The following IMPG1 variants were observed in gnomAD, a reference collection of about 807,000 sequenced individuals.
IMPG1 encodes the protein interphotoreceptor matrix proteoglycan of 150 kDa.
In IMPG1, 85 loss-of-function variants were observed where a neutral mutation model predicts 92.0. The observed-to-expected ratio is 0.92, with a 90% CI of 0.78 to 1.11. The LOEUF (loss-of-function observed/expected upper bound fraction) is 1.11, where lower values mean the gene tolerates loss of function less well. Ranked by LOEUF, IMPG1 falls within the 50% of genes least tolerant of loss-of-function variation. The probability of loss-of-function intolerance (pLI) is 0.00; values close to 1 mark genes in which losing one functional copy is unlikely to be tolerated. For missense variants in IMPG1, 1,022 were observed against 956.0 expected (o/e 1.07, Z -0.91); for synonymous variants, 367 against 334.1 (o/e 1.10, Z -1.08).
intron 12 of IMPG1, among the ~76,000 whole-genome samples, chr6:75,989,229 G>C (rs1202867477): frequency 6.6e-6 from 1 of 152,072 alleles, no homozygotes; most frequent in South Asian, 2.1e-4. Flanking sequence ...GTAATTACAG[G>C]CATGTGCCAC....
intron 12 of IMPG1, among the ~76,000 whole-genome samples, chr6:75,969,265 C>T (rs1047698073): frequency 3.3e-5 from 5 of 151,854 alleles, no homozygotes; most frequent in African/African-American, 7.3e-5. Flanking sequence ...TTAATAGCAA[C>T]GTATTGTATT....
At chr6:75,994,895 T>C (rs1178512962) in intron 12 of IMPG1, among the ~76,000 whole-genome samples, 1 of 152,158 alleles carries the variant, frequency 6.6e-6, no homozygotes, top group Non-Finnish European at 1.5e-5. Flanking sequence ...ACCTGAGAAC[T>C]AGCAAAGGCT....
intron 2 of IMPG1, among the ~76,000 whole-genome samples, chr6:76,039,993 A>G (rs1398748204): frequency 6.6e-6 from 1 of 152,224 alleles, no homozygotes; most frequent in Non-Finnish European, 1.5e-5. Context: ...ATTTTGTAAA[A>G]GTAGCAACAA....
intron 1 of IMPG1, among the ~76,000 whole-genome samples, chr6:76,048,154 T>C (rs1783977375): frequency 6.6e-6 from 1 of 152,214 alleles, no homozygotes; most frequent in South Asian, 2.1e-4. Context: ...ATAATCATGG[T>C]TAAATTCAAC....
In IMPG1 at chr6:76,025,144, T is replaced by A; in HGVS notation, c.562+50A>T. On this transcript the variant is annotated intron_variant, in intron 5 of 16. Transcript: ENST00000369950. Reference sequence around the variant, plus strand: ...TTGTTTTATAAATAACATGCTATCATGATGATTTGAATGAAAGTTGAGAAG... The same window carrying A: ...TTGTTTTATAAATAACATGCTATCAAGATGATTTGAATGAAAGTTGAGAAG... 3 of 1,019,946 alleles carry A rather than the reference T, an allele frequency of 2.9e-6. No individual in the cohort carries two copies. The South Asian group carries it at 4.0e-5, about 14-fold the overall frequency. 63.2% of individuals were successfully genotyped at this position (1,019,946 alleles called of 1,614,324 possible).
At chr6:76,070,796 A>G (rs1784392287) in intron 1 of IMPG1, among the ~76,000 whole-genome samples, 1 of 151,976 alleles carries the variant, frequency 6.6e-6, no homozygotes, top group African/African-American at 2.4e-5. Context: ...GAGTGGAACA[A>G]TAGACACTGG....
intron 12 of IMPG1, among the ~76,000 whole-genome samples, chr6:75,997,122 G>A (rs1782914450): frequency 6.6e-6 from 1 of 152,160 alleles, no homozygotes; most frequent in Admixed American, 6.5e-5. Context: ...CTTTTCCTGG[G>A]CATCATAAAG....
intron 1 of IMPG1, among the ~76,000 whole-genome samples, chr6:76,059,430 C>A (rs1398682567): frequency 1.3e-5 from 2 of 151,858 alleles, no homozygotes; most frequent in Non-Finnish European, 2.9e-5. Flanking sequence ...AAATAGAAAC[C>A]CTAAGATAGG....
chr6:76,060,022 A>G (rs1206723656), intron 1 of IMPG1, among the ~76,000 whole-genome samples: 1 of 152,222 alleles, frequency 6.6e-6, no homozygotes, highest in Non-Finnish European at 1.5e-5. Context: ...TCTGAAGCAG[A>G]AACTTTTCAC....
At chr6:76,048,342 T>C (rs1479769939) in intron 1 of IMPG1, among the ~76,000 whole-genome samples, 1 of 152,228 alleles carries the variant, frequency 6.6e-6, no homozygotes. Context: ...TCTGGTACCT[T>C]CTTGCTGATT....
intron 12 of IMPG1, among the ~76,000 whole-genome samples, chr6:76,000,441 C>A (rs749473781): frequency 6.6e-6 from 1 of 152,072 alleles, no homozygotes; most frequent in Non-Finnish European, 1.5e-5. Context: ...TCTTTCCATT[C>A]TTTAAAACAA....
intron 4 of IMPG1, among the ~76,000 whole-genome samples, chr6:76,027,284 C>T (rs1029884673): frequency 2.0e-5 from 3 of 152,134 alleles, no homozygotes; most frequent in South Asian, 4.1e-4. Context: ...AACTGTCTGT[C>T]TTGTTGGCTT....
At chr6:75,941,932 G>A (rs1300378480) in intron 14 of IMPG1, among the ~76,000 whole-genome samples, 4 of 152,120 alleles carry the variant, frequency 2.6e-5, no homozygotes, top group Admixed American at 2.6e-4. Flanking sequence ...GTTAGGGGAG[G>A]CAGGAGTGGG....
chr6:76,023,370 G>A (rs1389487401), intron 5 of IMPG1, among the ~76,000 whole-genome samples: 4 of 152,070 alleles, frequency 2.6e-5, no homozygotes, highest in Admixed American at 1.3e-4. Flanking sequence ...TACAATTTTT[G>A]TTACAATAAA....
intron 15 of IMPG1, among the ~76,000 whole-genome samples, chr6:75,929,371 T>TTTC (rs1420352836): frequency 6.6e-6 from 1 of 152,016 alleles, no homozygotes; most frequent in African/African-American, 2.4e-5. Flanking sequence ...GTCATGTGGG[T>TTTC]TTCTTCTATG....
chr6:76,039,066 T>G (rs540247782), intron 2 of IMPG1, among the ~76,000 whole-genome samples: 5 of 152,364 alleles, frequency 3.3e-5, no homozygotes, highest in South Asian at 2.1e-4. Context: ...GCCATTTTAC[T>G]TCATCAGATC....
At chr6:76,002,100 T>C (rs7774309) in intron 12 of IMPG1, among the ~76,000 whole-genome samples, 1 of 152,210 alleles carries the variant, frequency 6.6e-6, no homozygotes, top group East Asian at 1.9e-4. Context: ...CAATGGCATT[T>C]GTACTTATAA....
intron 15 of IMPG1, among the ~76,000 whole-genome samples, chr6:75,925,820 C>T (rs1222274613): frequency 6.6e-6 from 1 of 152,072 alleles, no homozygotes; most frequent in Non-Finnish European, 1.5e-5. Context: ...CACATGCCAC[C>T]ACGCCCAGTT....
chr6:76,028,788 C>T (rs2149486097), intron 4 of IMPG1, among the ~76,000 whole-genome samples: 1 of 152,168 alleles, frequency 6.6e-6, no homozygotes, highest in East Asian at 1.9e-4. Context: ...CACTGCACTC[C>T]AGCCTGGGTG....
Sources: allele counts gnomAD v4.1 joint callset (sites outside exome capture counted in the v4.1 genomes callset), GRCh38; gene constraint gnomAD v4.1.1; transcripts MANE v1.5; gene names NCBI Gene and HGNC (gene_info 2026-07-23, HGNC 2026-07-21).